Variants in SUSD5 observed in about 807,000 individuals in gnomAD.
The protein encoded by SUSD5 is sushi domain-containing protein 5.
SUSD5 carries 33 observed loss-of-function variants against 29.5 expected under a neutral mutation model. That is an observed-to-expected ratio of 1.12 (90% CI 0.85 to 1.49). The LOEUF (loss-of-function observed/expected upper bound fraction) is 1.49. Ranked by LOEUF, SUSD5 falls within the 40% of genes most tolerant of loss-of-function variation. The pLI is 0.00. For synonymous variants in SUSD5, 308 were observed against 325.3 expected, an observed-to-expected ratio of 0.95 and a Z score of 0.57; for missense variants, 776 against 800.6, an observed-to-expected ratio of 0.97 and a Z score of 0.37.
At chr3:33,196,223 C>G (rs2031992954) in intron 3 of SUSD5, among the ~76,000 whole-genome samples, 1 of 152,046 alleles carries the variant, frequency 6.6e-6, no homozygotes, top group African/African-American at 2.4e-5. Flanking sequence ...CACCTTGGGC[C>G]ATGAAAAGGG....
chr3:33,213,773 C>CAAACAAAACAAAACA (rs577823372), intron 2 of SUSD5, among the ~76,000 whole-genome samples, 155 bp downstream of exon 2: 5 of 151,902 alleles, frequency 3.3e-5, no homozygotes, highest in African/African-American at 1.2e-4. Context: ...GACTCCATCT[C>CAAACAAAACAAAACA]AAACAAAACA....
At position 33,206,645 on chromosome 3, in the gene SUSD5, C is replaced by T. The variant is rs947898976; in HGVS notation, c.409+1163G>A. Among the ~76,000 whole-genome samples the T allele has an allele frequency of 7.2e-5, 11 of 152,160 alleles. No individual in the cohort carries two copies. In the East Asian group the frequency reaches 1.9e-3, roughly 27 times the overall value. On this transcript the variant is annotated intron_variant, in intron 3 of 4. Transcript: ENST00000309558. The stretch of plus-strand genomic sequence containing the variant: ...AGAGCAGAAGGCTCTTAGGGTTCAC[C>T]ATGACTCTTACTTTTACCAACTCCT...
chr3:33,171,065 G>A (rs1306470267), intron 4 of SUSD5, among the ~76,000 whole-genome samples: 1 of 152,212 alleles, frequency 6.6e-6, no homozygotes, highest in Non-Finnish European at 1.5e-5. Flanking sequence ...CTATGGGCCG[G>A]GTGCAGTGGC....
intron 1 of SUSD5, 81 bp from the exon 2 acceptor site, chr3:33,214,186 C>T: frequency 1.4e-6 from 2 of 1,390,542 alleles, no homozygotes; most frequent in Non-Finnish European, 1.9e-6. Flanking sequence ...CTGGCAGACG[C>T]CAGTTAGAAC....
At chr3:33,213,236 T>A (rs1392508814) in intron 2 of SUSD5, among the ~76,000 whole-genome samples, 1 of 151,702 alleles carries the variant, frequency 6.6e-6, no homozygotes, top group Non-Finnish European at 1.5e-5. Context: ...GCAAGCATTT[T>A]TTACCTCTAT....
At chr3:33,174,608 A>C (rs983826778) in intron 4 of SUSD5, among the ~76,000 whole-genome samples, 7 of 152,256 alleles carry the variant, frequency 4.6e-5, no homozygotes, top group African/African-American at 1.7e-4. Flanking sequence ...CTAGAAAGTT[A>C]ACTCAAGGTC....
chr3:33,215,191 A>T (rs192048901), intron 1 of SUSD5, among the ~76,000 whole-genome samples: 2 of 152,248 alleles, frequency 1.3e-5, no homozygotes, highest in South Asian at 2.1e-4. Flanking sequence ...TACAAGGAAA[A>T]ACAAAAAAAT....
At chr3:33,209,965 A>G (rs56086991) in intron 2 of SUSD5, among the ~76,000 whole-genome samples, 2,537 of 152,286 alleles carry the variant, frequency 0.017, 74 homozygotes, top group African/African-American at 0.058. Context: ...ATCTTTGAAC[A>G]TGTCAAGGAT....
At chr3:33,171,413 C>G (rs1202384738) in intron 4 of SUSD5, among the ~76,000 whole-genome samples, 3 of 151,898 alleles carry the variant, frequency 2.0e-5, no homozygotes, top group Admixed American at 6.6e-5. Context: ...TTCTCTTCTT[C>G]TCATCCTTTC....
chr3:33,216,883 G>A (rs2032436498), intron 1 of SUSD5, among the ~76,000 whole-genome samples: 1 of 152,096 alleles, frequency 6.6e-6, no homozygotes, highest in Non-Finnish European at 1.5e-5. Flanking sequence ...AAAAGTTGGA[G>A]CTCATAAAAT....
At chr3:33,176,092 A>G (rs1473432382) in intron 3 of SUSD5, among the ~76,000 whole-genome samples, 1 of 152,226 alleles carries the variant, frequency 6.6e-6, no homozygotes, top group Non-Finnish European at 1.5e-5. Flanking sequence ...AGTTGGAATC[A>G]TAATACGTAG....
chr3:33,182,301 C>T (rs1202977449), intron 3 of SUSD5, among the ~76,000 whole-genome samples: 1 of 152,160 alleles, frequency 6.6e-6, no homozygotes, highest in East Asian at 1.9e-4. Context: ...CATCATATTC[C>T]TATTCTTTAA....
intron 3 of SUSD5, among the ~76,000 whole-genome samples, chr3:33,188,818 G>A (rs2031829285): frequency 6.6e-6 from 1 of 152,156 alleles, no homozygotes; most frequent in Admixed American, 6.5e-5. Flanking sequence ...TTACACAGGT[G>A]TATACATTTG....
rs71630568 is a variant in SUSD5 at position 33,189,478 on chromosome 3, CAAAAA to C, written c.410-14409_410-14405del. 2.6e-3 allele frequency among the ~76,000 whole-genome samples: 235 copies of C among 91,548 alleles called. 2 individuals carry two copies. The highest frequency in any genetic ancestry group is 0.02 in the Middle Eastern group (3 of 148). 60.1% of individuals were successfully genotyped at this position (91,548 alleles called of 152,430 possible). ...GTGGGTGGAGCGAGACTCTCCTTCT[CAAAAA>C]AAAAAAAAAAAAAAAAAAAATTCTA... On this transcript the variant is annotated intron_variant, in intron 3 of 4. Transcript: ENST00000309558.
In SUSD5 at chr3:33,209,644, C is replaced by CTTCT. The variant is rs766405762; in HGVS notation, c.291-1722_291-1719dup. On this transcript the variant is annotated intron_variant, in intron 2 of 4. Transcript: ENST00000309558. Reference sequence around the variant, plus strand: ...CCTTCCTTTTCTTTTCTTTCTCTCTCTTCTTTCTTTCTTTTCTTTTTTTTT... The same window carrying CTTCT: ...CCTTCCTTTTCTTTTCTTTCTCTCTCTTCTTTCTTTCTTTCTTTTCTTTTTTTTT... 9.7e-5 allele frequency among the ~76,000 whole-genome samples: 14 copies of CTTCT among 143,966 alleles called. No individual in the cohort carries two copies. In the Admixed American group the frequency reaches 1.0e-3, roughly 10 times the overall value. The allele number at this position is 143,966 out of a possible 152,430, so 94.4% of individuals were successfully genotyped here.
rs2030857923 is a variant in SUSD5 at position 33,150,850 on chromosome 3, C to T, written c.*1892G>A. On this transcript the variant is annotated 3_prime_UTR_variant, in exon 5 of 5. Coordinates refer to ENST00000309558, the MANE Select transcript of SUSD5 (RefSeq NM_015551.2). ...TAAAAAAGATCAGGATTTCCCTCTACCACACAAAAACACTTAGACTGCTAT... is the reference window on the plus strand; with the variant it reads ...TAAAAAAGATCAGGATTTCCCTCTATCACACAAAAACACTTAGACTGCTAT... 1 of 152,172 alleles carries T rather than the reference C, an allele frequency of 6.6e-6. No homozygotes were observed. The highest frequency in any genetic ancestry group is 2.4e-5 in the African/African-American group (1 of 41,432). 9.4% of individuals were successfully genotyped at this position (152,172 alleles called of 1,614,324 possible).
chr3:33,199,553 G>A (rs2032070272), intron 3 of SUSD5, among the ~76,000 whole-genome samples: 1 of 152,174 alleles, frequency 6.6e-6, no homozygotes, highest in African/African-American at 2.4e-5. Flanking sequence ...GATTACAGGC[G>A]TGAGCCACCA....
chr3:33,212,926 A>C (rs2032347841), intron 2 of SUSD5, among the ~76,000 whole-genome samples: 1 of 152,222 alleles, frequency 6.6e-6, no homozygotes, highest in Non-Finnish European at 1.5e-5. Context: ...TAAAACCTCC[A>C]TACCACGTTC....
intron 3 of SUSD5, among the ~76,000 whole-genome samples, chr3:33,175,797 C>T (rs1016962496): frequency 6.6e-6 from 1 of 152,102 alleles, no homozygotes; most frequent in African/African-American, 2.4e-5. Flanking sequence ...GCATTCTGCA[C>T]CAGAGTGGTC....
Sources: allele counts gnomAD v4.1 joint callset (sites outside exome capture counted in the v4.1 genomes callset), GRCh38; gene constraint gnomAD v4.1.1; transcripts MANE v1.5; gene names NCBI Gene and HGNC (gene_info 2026-07-23, HGNC 2026-07-21).